Variants in KDM4C observed in about 807,000 individuals in gnomAD.
The protein encoded by KDM4C is lysine-specific demethylase 4C.
A neutral mutation model predicts 129.3 loss-of-function variants in KDM4C; 81 were observed. The observed-to-expected ratio is 0.63, with a 90% confidence interval of 0.52 to 0.75. KDM4C has a LOEUF of 0.75. Ranked by LOEUF, KDM4C falls within the 30% of genes least tolerant of loss-of-function variation. KDM4C has a pLI of 0.00. For synonymous variants in KDM4C, 573 were observed against 456.1 expected (o/e 1.26, Z -3.26); for missense variants, 1,457 against 1,304.0 (o/e 1.12, Z -1.81).
chr9:6,967,421 TAA>T (rs35054106), intron 8 of KDM4C, among the ~76,000 whole-genome samples: 6,892 of 124,916 alleles, frequency 0.055, 514 homozygotes, highest in African/African-American at 0.19. Context: ...AAGCTTCCAC[TAA>T]AAAAAAAAAA....
At chr9:6,747,169 G>T (rs1044404928) in intron 1 of KDM4C, among the ~76,000 whole-genome samples, 1 of 151,412 alleles carries the variant, frequency 6.6e-6, no homozygotes, top group Non-Finnish European at 1.5e-5. Context: ...CTTCAGCCCG[G>T]GTGATAGAGC....
chr9:6,858,866 TCA>T (rs1840412806), intron 5 of KDM4C, among the ~76,000 whole-genome samples: 1 of 152,096 alleles, frequency 6.6e-6, no homozygotes, highest in African/African-American at 2.4e-5. Flanking sequence ...TTTTTTGTTT[TCA>T]CACACTACTT....
chr9:7,124,694 G>A (rs1716812201), intron 18 of KDM4C, among the ~76,000 whole-genome samples: 1 of 152,118 alleles, frequency 6.6e-6, no homozygotes, highest in African/African-American at 2.4e-5. Context: ...AATTAAATCG[G>A]GCTTCTTACT....
At chr9:6,833,390 G>A (rs1393349898) in intron 4 of KDM4C, among the ~76,000 whole-genome samples, 5 of 152,064 alleles carry the variant, frequency 3.3e-5, no homozygotes, top group African/African-American at 1.2e-4. Context: ...TAGATATTGG[G>A]AGATAGAGGG....
intron 19 of KDM4C, among the ~76,000 whole-genome samples, chr9:7,150,252 C>G (rs1035717567): frequency 1.3e-5 from 2 of 152,226 alleles, no homozygotes; most frequent in African/African-American, 4.8e-5. Context: ...ATTGCTCTCA[C>G]CACAACTTGT....
At chr9:6,807,160 G>T (rs1313729731) in intron 3 of KDM4C, among the ~76,000 whole-genome samples, 1 of 152,136 alleles carries the variant, frequency 6.6e-6, no homozygotes, top group Non-Finnish European at 1.5e-5. Flanking sequence ...GAGGTGCCGG[G>T]ATTGCAGACG....
intron 8 of KDM4C, among the ~76,000 whole-genome samples, chr9:6,949,907 T>G (rs1827813636): frequency 6.6e-6 from 1 of 152,280 alleles, no homozygotes; most frequent in East Asian, 1.9e-4. Flanking sequence ...CAGAGATAAA[T>G]TGATGTTCTT....
intron 19 of KDM4C, among the ~76,000 whole-genome samples, chr9:7,149,097 A>C (rs1413878345): frequency 6.6e-6 from 1 of 152,172 alleles, no homozygotes; most frequent in African/African-American, 2.4e-5. Context: ...ACCAAGGGGC[A>C]CTTGCATGCC....
intron 3 of KDM4C, among the ~76,000 whole-genome samples, chr9:6,808,758 G>A (rs1588425908): frequency 9.8e-6 from 1 of 101,690 alleles, no homozygotes; most frequent in Non-Finnish European, 2.1e-5. Context: ...TTACAAGCCA[G>A]TTGTTAAGTG....
At chr9:7,045,115 G>A (rs551159635) in intron 15 of KDM4C, among the ~76,000 whole-genome samples, 1 of 152,114 alleles carries the variant, frequency 6.6e-6, no homozygotes, top group African/African-American at 2.4e-5. Flanking sequence ...CCTACACATT[G>A]TATTTTAGAA....
chr9:7,051,784 A>G (rs1396069010), intron 17 of KDM4C, among the ~76,000 whole-genome samples: 1 of 152,230 alleles, frequency 6.6e-6, no homozygotes, highest in African/African-American at 2.4e-5. Flanking sequence ...TAGATGTCAT[A>G]ATCAATTTAT....
chr9:7,117,066 A>AT lies in KDM4C; in HGVS notation c.2611-11000_2611-10999insT, dbSNP rs563166887. Among the ~76,000 whole-genome samples, 558 of 152,326 alleles carry AT rather than the reference A, an allele frequency of 3.7e-3. 4 individuals are homozygous for AT. Among genetic ancestry groups the AT allele is most frequent in the African/African-American group, 0.013 (525 of 41,580 alleles). On this transcript the variant is annotated intron_variant, in intron 18 of 21. Coordinates refer to ENST00000381309, the MANE Select transcript of KDM4C (RefSeq NM_015061.6). The stretch of plus-strand genomic sequence containing the variant: ...CATATTATGATTATACCCATGTGAC[A>AT]GGTTATGAAATTGAATTTCAGAGAG...
intron 19 of KDM4C, among the ~76,000 whole-genome samples, chr9:7,159,108 C>T (rs1297612421): frequency 6.6e-6 from 1 of 152,112 alleles, no homozygotes; most frequent in African/African-American, 2.4e-5. Flanking sequence ...CCTTCTTTGT[C>T]TCTTTTGATT....
At chr9:6,909,049 A>G (rs1364158834) in intron 8 of KDM4C, among the ~76,000 whole-genome samples, 2 of 152,262 alleles carry the variant, frequency 1.3e-5, no homozygotes, top group Non-Finnish European at 2.9e-5. Context: ...TTTGTTTACC[A>G]GATCTGCCCC....
In KDM4C at chr9:7,164,086, C is replaced by G. The variant is rs145519353; in HGVS notation, c.2782-1152C>G. Among the ~76,000 whole-genome samples the G allele has an allele frequency of 9.3e-4, 141 of 152,302 alleles. 3 individuals carry two copies. The highest frequency in any genetic ancestry group is 2.9e-3 in the African/African-American group (119 of 41,550). On this transcript the variant is annotated intron_variant, in intron 19 of 21. Coordinates refer to ENST00000381309, the MANE Select transcript of KDM4C (RefSeq NM_015061.6). ...CTGTGTATGCCTCTCATTTAAACCA[C>G]AGAATATGCCCAGTCTGCATTTATA...
intron 6 of KDM4C, among the ~76,000 whole-genome samples, chr9:6,885,309 T>TG (rs1845088195): frequency 6.6e-6 from 1 of 152,228 alleles, no homozygotes; most frequent in South Asian, 2.1e-4. Context: ...CTTAGAATAA[T>TG]GCTTTTCACA....
intron 15 of KDM4C, among the ~76,000 whole-genome samples, chr9:7,039,428 C>T (rs576314790): frequency 6.6e-6 from 1 of 151,826 alleles, no homozygotes; most frequent in African/African-American, 2.4e-5. Context: ...TATAATTTGT[C>T]ATTTAGAGTC....
At chr9:7,073,456 C>T (rs1833486499) in intron 17 of KDM4C, among the ~76,000 whole-genome samples, 1 of 152,186 alleles carries the variant, frequency 6.6e-6, no homozygotes, top group African/African-American at 2.4e-5. Context: ...TGACCCAACT[C>T]CCATGTTCTC....
chr9:7,000,826 C>A (rs769006732), intron 12 of KDM4C, among the ~76,000 whole-genome samples: 2 of 152,136 alleles, frequency 1.3e-5, no homozygotes, highest in Non-Finnish European at 2.9e-5. Flanking sequence ...TTCATTGTTA[C>A]TTTCACCTTT....
Sources: gnomAD v4.1 joint callset for allele counts (sites outside exome capture counted in the v4.1 genomes callset) on GRCh38, gnomAD v4.1.1 for gene constraint, MANE v1.5 for transcripts, NCBI Gene and HGNC (gene_info 2026-07-23, HGNC 2026-07-21) for gene names.